Variants in TUSC3 observed in about 807,000 individuals in gnomAD.
TUSC3 encodes dolichyl-diphosphooligosaccharide--protein glycosyltransferase subunit TUSC3.
In TUSC3, 45 loss-of-function variants were observed where a neutral mutation model predicts 44.8. The observed-to-expected ratio is 1.00, with a 90% CI of 0.79 to 1.29. The LOEUF (loss-of-function observed/expected upper bound fraction) is 1.29. Among genes scored for constraint, TUSC3 ranks in the 50% most tolerant of loss-of-function variants. The pLI is 0.00. For synonymous variants in TUSC3, 212 were observed against 152.9 expected (o/e 1.39, Z -2.85); for missense variants, 519 against 437.9 (o/e 1.19, Z -1.65).
intron 2 of TUSC3, among the ~76,000 whole-genome samples, chr8:15,515,232 G>A (rs1209191021): frequency 6.6e-6 from 1 of 152,054 alleles, no homozygotes; most frequent in African/African-American, 2.4e-5. Context: ...CTACTTTGAT[G>A]TTTTTCCAAG....
chr8:15,719,060 C>A (rs138450282), intron 6 of TUSC3, among the ~76,000 whole-genome samples: 11 of 152,078 alleles, frequency 7.2e-5, no homozygotes, highest in African/African-American at 2.7e-4. Flanking sequence ...CATCTTTTGT[C>A]TGGATTACTG....
chr8:15,847,513 C>T, the TUSC3 span, among the ~76,000 whole-genome samples: 8 of 152,150 alleles, frequency 5.3e-5, no homozygotes, highest in East Asian at 1.9e-4. Context: ...CATTTCCTCA[C>T]GCAAATACGT....
chr8:15,557,008 A>C (rs1456651275), intron 1 of TUSC3, among the ~76,000 whole-genome samples: 26 of 143,696 alleles, frequency 1.8e-4, no homozygotes, highest in Non-Finnish European at 3.1e-4. Flanking sequence ...CTTTAGTTTA[A>C]TTAGATCCCA....
At chr8:15,728,943 T>G (rs1380364940) in intron 6 of TUSC3, among the ~76,000 whole-genome samples, 2 of 152,130 alleles carry the variant, frequency 1.3e-5, no homozygotes, top group African/African-American at 2.4e-5. Flanking sequence ...ATGAAGCAGA[T>G]TTTTCAGGTA....
intron 1 of TUSC3, among the ~76,000 whole-genome samples, chr8:15,447,869 T>C (rs1800127396): frequency 3.3e-5 from 5 of 151,746 alleles, no homozygotes; most frequent in Non-Finnish European, 7.4e-5. Flanking sequence ...ATCGTATTTA[T>C]ATATCACAAC....
chr8:15,818,587 C>T, the TUSC3 span, among the ~76,000 whole-genome samples: 24 of 152,272 alleles, frequency 1.6e-4, no homozygotes, highest in African/African-American at 5.5e-4. Context: ...TTTTATTTCT[C>T]AAATCCTCTG....
At chr8:15,537,179 C>G (rs1259974666), upstream of TUSC3, among the ~76,000 whole-genome samples, 1 of 151,988 alleles carries the variant, frequency 6.6e-6, no homozygotes, top group African/African-American at 2.4e-5. Flanking sequence ...TTGCTCTGCA[C>G]AATAAAACTT....
downstream of TUSC3, among the ~76,000 whole-genome samples, chr8:15,768,656 T>C (rs1003516198): frequency 1.3e-5 from 2 of 152,216 alleles, no homozygotes; most frequent in South Asian, 2.1e-4. Flanking sequence ...TCAAATTGTC[T>C]GTTTGTAGAT....
chr8:15,751,681 G>GACAAGT (rs5889601), intron 9 of TUSC3, among the ~76,000 whole-genome samples: 56,495 of 151,522 alleles, frequency 0.37, 11,164 homozygotes, highest in East Asian at 0.65. Flanking sequence ...CAAATACAAT[G>GACAAGT]ACAAGTACCT....
intron 1 of TUSC3, among the ~76,000 whole-genome samples, chr8:15,460,733 A>G (rs1253716202): frequency 6.6e-6 from 1 of 152,162 alleles, no homozygotes; most frequent in Non-Finnish European, 1.5e-5. Context: ...ATCCAGTTTC[A>G]TTCTCCTACA....
the TUSC3 span, among the ~76,000 whole-genome samples, chr8:15,775,645 T>TGTAC: frequency 2.2e-5 from 3 of 134,502 alleles, no homozygotes; most frequent in Admixed American, 8.9e-5. Flanking sequence ...TATATATATA[T>TGTAC]ATATACACAC....
intron 1 of TUSC3, among the ~76,000 whole-genome samples, chr8:15,584,044 A>T (rs1803491869): frequency 6.6e-6 from 1 of 151,222 alleles, no homozygotes; most frequent in South Asian, 2.1e-4. Flanking sequence ...ACAGGTACTT[A>T]AAGGCAGTGT....
chr8:15,844,697 C>G, the TUSC3 span, among the ~76,000 whole-genome samples: 2 of 152,146 alleles, frequency 1.3e-5, no homozygotes, highest in African/African-American at 4.8e-5. Context: ...GACAGTCATT[C>G]TTTAAATCTC....
intron 2 of TUSC3, among the ~76,000 whole-genome samples, chr8:15,517,994 C>G (rs987190771): frequency 7.4e-6 from 1 of 135,288 alleles, no homozygotes; most frequent in Admixed American, 7.8e-5. Flanking sequence ...AAAAAAAAAC[C>G]CCCATACACA....
At chr8:15,585,186 C>T (rs563248802) in intron 1 of TUSC3, among the ~76,000 whole-genome samples, 1 of 152,186 alleles carries the variant, frequency 6.6e-6, no homozygotes, top group Admixed American at 6.5e-5. Context: ...AATAGAGTGG[C>T]ATTAGGAATA....
intron 1 of TUSC3, among the ~76,000 whole-genome samples, chr8:15,450,373 C>T (rs1415356912): frequency 2.0e-5 from 3 of 151,304 alleles, no homozygotes; most frequent in Non-Finnish European, 3.0e-5. Flanking sequence ...TGACTTTTCC[C>T]ACTCAAGGTG....
chr8:15,613,294 A>C lies in TUSC3; in HGVS notation c.139-9786A>C, dbSNP rs183299626. On this transcript the variant is annotated intron_variant, in intron 1 of 10. Transcript: ENST00000503731. ...CTTGTAATACTCAGAAACATTAGGT[A>C]ACTCTGAGATTGAAGGTATTAATGA... Among the ~76,000 whole-genome samples, 726 of 151,920 alleles carry C rather than the reference A, an allele frequency of 4.8e-3. 8 individuals are homozygous for C. The highest frequency in any genetic ancestry group is 8.9e-3 in the Non-Finnish European group (608 of 67,984).
intron 1 of TUSC3, among the ~76,000 whole-genome samples, chr8:15,548,336 A>G (rs1328112898): frequency 6.6e-6 from 1 of 151,880 alleles, no homozygotes; most frequent in East Asian, 1.9e-4. Flanking sequence ...CTATCAGTTA[A>G]AGATCATCAT....
chr8:15,497,083 C>T (rs920780953), intron 2 of TUSC3, among the ~76,000 whole-genome samples: 1 of 151,994 alleles, frequency 6.6e-6, no homozygotes, highest in Admixed American at 6.6e-5. Context: ...ACGGAAAATA[C>T]GGTAAGTGCT....
Sources: allele counts gnomAD v4.1 joint callset (sites outside exome capture counted in the v4.1 genomes callset), GRCh38; gene constraint gnomAD v4.1.1; transcripts MANE v1.5; gene names NCBI Gene and HGNC (gene_info 2026-07-23, HGNC 2026-07-21).